NTRK2: variants seen among roughly 807,000 people sequenced by gnomAD.
NTRK2 encodes neurotrophic receptor tyrosine kinase 2, also known as BDNF/NT-3 growth factors receptor.
NTRK2 carries 13 observed loss-of-function variants against 94.5 expected under a neutral mutation model. The ratio of observed to expected loss-of-function variants is 0.14; its 90% CI spans 0.09 to 0.22. NTRK2 has a LOEUF of 0.22. Among genes scored for constraint, NTRK2 ranks in the 10% least tolerant of loss-of-function variants. The pLI is 1.00. For synonymous variants in NTRK2, 372 were observed against 407.4 expected (o/e 0.91, Z 1.05); for missense variants, 639 against 1,071.2 (o/e 0.60, Z 5.63).
chr9:84,873,636 C>A (rs2075956666), intron 14 of NTRK2: 1 of 1,053,770 alleles, frequency 9.5e-7, no homozygotes, highest in Non-Finnish European at 1.1e-6. Context: ...TGAATACATG[C>A]TGCATAATTA....
At chr9:84,722,382 C>T (rs888399518) in intron 6 of NTRK2, among the ~76,000 whole-genome samples, 11 of 151,710 alleles carry the variant, frequency 7.3e-5, no homozygotes, top group South Asian at 2.1e-4. Flanking sequence ...ATGGCTTTGC[C>T]GGTAAGAATA....
chr9:84,926,157 C>CTTTCTTTCTTT (rs2077779775), intron 14 of NTRK2, among the ~76,000 whole-genome samples: 3 of 80,392 alleles, frequency 3.7e-5, no homozygotes, highest in African/African-American at 9.1e-5. Flanking sequence ...TTCCTTCCTT[C>CTTTCTTTCTTT]CTTCCTTCCT....
intron 12 of NTRK2, among the ~76,000 whole-genome samples, chr9:84,859,884 G>A (rs886915210): frequency 2.6e-5 from 4 of 152,160 alleles, no homozygotes; most frequent in Admixed American, 6.5e-5. Flanking sequence ...CTCAAGGCTA[G>A]GCCTTCATCT....
chr9:84,873,211 T>C, intron 14 of NTRK2: 1 of 1,061,996 alleles, frequency 9.4e-7, no homozygotes, highest in South Asian at 4.6e-5. Context: ...TGCCTATTAA[T>C]GTTTTGTCTT....
intron 12 of NTRK2, among the ~76,000 whole-genome samples, chr9:84,855,997 G>A (rs985496469): frequency 2.0e-5 from 3 of 152,182 alleles, no homozygotes; most frequent in Non-Finnish European, 4.4e-5. Flanking sequence ...AGGGAAGCTG[G>A]GAAATATCGT....
chr9:84,947,686 T>C (rs1046686077), intron 15 of NTRK2, among the ~76,000 whole-genome samples: 1 of 152,246 alleles, frequency 6.6e-6, no homozygotes, highest in African/African-American at 2.4e-5. Context: ...TATCTCCCTA[T>C]TTGCCCATAA....
chr9:84,793,864 A>G (rs1197935336), intron 12 of NTRK2, among the ~76,000 whole-genome samples: 2 of 152,228 alleles, frequency 1.3e-5, no homozygotes, highest in African/African-American at 4.8e-5. Flanking sequence ...ATTTGTTTAC[A>G]TATTGTCGAT....
chr9:84,687,269 C>T (rs2059775205), intron 2 of NTRK2, among the ~76,000 whole-genome samples: 1 of 152,134 alleles, frequency 6.6e-6, no homozygotes, highest in African/African-American at 2.4e-5. Context: ...TGAGAAAAGT[C>T]TTATTTTTGG....
chr9:84,704,483 C>T (rs926314517), intron 4 of NTRK2, among the ~76,000 whole-genome samples: 5 of 152,040 alleles, frequency 3.3e-5, no homozygotes, highest in African/African-American at 1.2e-4. Context: ...ACCTCGGCCT[C>T]CCAAAGTGCT....
Position 84,730,740 on chromosome 9 carries a change from CAAAAAAAAAAAA to C in NTRK2, c.1159+2790_1159+2801del, listed in dbSNP as rs376667135. ...TGGGCGACAGAGCGAGACTCCGTCT[CAAAAAAAAAAAA>C]AAAAAAAACTAAAGAAAAATAAACA... On this transcript the variant is annotated intron_variant, in intron 9 of 18. Transcript: ENST00000277120. Among the ~76,000 whole-genome samples, 11 of 14,936 alleles carry C rather than the reference CAAAAAAAAAAAA, an allele frequency of 7.4e-4. 1 individual carries two copies. In the South Asian group the frequency reaches 0.049, roughly 67 times the overall value. The allele number at this position is 14,936 out of a possible 152,430, so 9.8% of individuals were successfully genotyped here. A position where few individuals can be genotyped will look rare whatever the true frequency, so the allele number is the denominator to read the frequency against.
chr9:84,877,799 A>G (rs2076125114), intron 14 of NTRK2: 3 of 1,050,196 alleles, frequency 2.9e-6, no homozygotes, highest in South Asian at 4.6e-5. Flanking sequence ...CTTTATCTAT[A>G]TGATCTGTCC....
chr9:84,701,741 A>T (rs2060736328), intron 2 of NTRK2, among the ~76,000 whole-genome samples: 1 of 152,170 alleles, frequency 6.6e-6, no homozygotes, highest in Non-Finnish European at 1.5e-5. Context: ...GTCTCTCTTG[A>T]AATGTGGGGA....
intron 17 of NTRK2, among the ~76,000 whole-genome samples, chr9:84,976,957 A>C (rs572369016): frequency 9.2e-5 from 14 of 152,254 alleles, no homozygotes; most frequent in Non-Finnish European, 1.9e-4. Flanking sequence ...GTAGATATAG[A>C]CATAGATATA....
Position 85,021,936 on chromosome 9 carries a change from T to C in NTRK2, c.*499T>C, listed in dbSNP as rs199655668. 9.4e-5 allele frequency: 24 copies of C among 255,866 alleles called. No homozygotes were observed. Among genetic ancestry groups the C allele is most frequent in the Non-Finnish European group, 1.5e-4 (20 of 131,644 alleles). 15.8% of individuals were successfully genotyped at this position (255,866 alleles called of 1,614,324 possible). A position where few individuals can be genotyped will look rare whatever the true frequency, so the allele number is the denominator to read the frequency against. ...TTCACTTAAACTTTGTCACTTCTGCTGTACAGATATCGAGAGTTTCTATGG... is the reference window on the plus strand; with the variant it reads ...TTCACTTAAACTTTGTCACTTCTGCCGTACAGATATCGAGAGTTTCTATGG... On this transcript the variant is annotated 3_prime_UTR_variant, in exon 19 of 19. Transcript: ENST00000277120.
At chr9:84,797,887 A>G (rs1285737745) in intron 12 of NTRK2, among the ~76,000 whole-genome samples, 2 of 119,986 alleles carry the variant, frequency 1.7e-5, no homozygotes, top group Admixed American at 1.2e-4. Flanking sequence ...TATAGTAATA[A>G]TTATTATTAC....
intron 10 of NTRK2, among the ~76,000 whole-genome samples, chr9:84,742,740 G>C (rs1158486127): frequency 6.6e-6 from 1 of 150,392 alleles, no homozygotes; most frequent in African/African-American, 2.5e-5. Flanking sequence ...AAAAAAAATG[G>C]GATTCTCTCA....
intron 14 of NTRK2, among the ~76,000 whole-genome samples, chr9:84,929,394 C>T (rs1261765281): frequency 6.6e-6 from 1 of 152,152 alleles, no homozygotes; most frequent in Non-Finnish European, 1.5e-5. Flanking sequence ...GTGCAGATCA[C>T]ACGAGTTTGG....
At chr9:84,826,500 A>G (rs569055390) in intron 12 of NTRK2, among the ~76,000 whole-genome samples, 2 of 152,294 alleles carry the variant, frequency 1.3e-5, no homozygotes, top group East Asian at 1.9e-4. Context: ...AGGATTGGAC[A>G]TATCTTTTTT....
intron 2 of NTRK2, 115 bp downstream of exon 2, chr9:84,671,075 A>G: frequency 1.0e-6 from 1 of 1,002,326 alleles, no homozygotes; most frequent in Non-Finnish European, 1.5e-6. Flanking sequence ...GTCAAAGACA[A>G]GGGATGCAGG....
Sources: gnomAD v4.1 joint callset for allele counts (sites outside exome capture counted in the v4.1 genomes callset) on GRCh38, gnomAD v4.1.1 for gene constraint, MANE v1.5 for transcripts, NCBI Gene and HGNC (gene_info 2026-07-23, HGNC 2026-07-21) for gene names.